Variants in LUZP2 observed in about 807,000 individuals in gnomAD.
LUZP2 encodes leucine zipper protein 2.
LUZP2 carries 52 observed loss-of-function variants against 51.6 expected under a neutral mutation model. The ratio of observed to expected loss-of-function variants is 1.01; its 90% CI spans 0.81 to 1.27. The LOEUF (loss-of-function observed/expected upper bound fraction) is 1.27, where lower values mean the gene tolerates loss of function less well. Among genes scored for constraint, LUZP2 ranks in the 50% most tolerant of loss-of-function variants. The pLI is 0.00. For synonymous variants in LUZP2, 154 were observed against 137.3 expected, an observed-to-expected ratio of 1.12 and a Z score of -0.85; for missense variants, 436 against 395.4, an observed-to-expected ratio of 1.10 and a Z score of -0.87.
chr11:24,776,577 A>T (rs556295772), intron 5 of LUZP2, among the ~76,000 whole-genome samples: 2 of 152,238 alleles, frequency 1.3e-5, no homozygotes, highest in East Asian at 3.9e-4. Context: ...CAAATCATAG[A>T]ATGCAGTAAT....
intron 1 of LUZP2, among the ~76,000 whole-genome samples, chr11:24,599,108 C>G (rs1051416327): frequency 6.6e-6 from 1 of 152,082 alleles, no homozygotes; most frequent in Admixed American, 6.5e-5. Flanking sequence ...AATGCTGAAC[C>G]TCCCTTGGAG....
intron 5 of LUZP2, among the ~76,000 whole-genome samples, chr11:24,817,165 A>T (rs1333118171): frequency 6.6e-6 from 1 of 152,024 alleles, no homozygotes; most frequent in African/African-American, 2.4e-5. Flanking sequence ...TGGAAATAAT[A>T]ATATATCAAT....
At chr11:25,051,479 CTT>C (rs1858512474) in intron 10 of LUZP2, among the ~76,000 whole-genome samples, 1 of 152,080 alleles carries the variant, frequency 6.6e-6, no homozygotes, top group South Asian at 2.1e-4. Context: ...GTCAAAAAGA[CTT>C]TGGGCAGGAA....
intron 7 of LUZP2, among the ~76,000 whole-genome samples, chr11:24,957,488 T>G (rs1300493372): frequency 1.3e-5 from 2 of 152,090 alleles, no homozygotes; most frequent in African/African-American, 4.8e-5. Flanking sequence ...TTGTACCCTT[T>G]GACTTCATCT....
At chr11:24,514,686 T>C (rs535816220) in intron 1 of LUZP2, among the ~76,000 whole-genome samples, 16 of 152,338 alleles carry the variant, frequency 1.1e-4, no homozygotes, top group African/African-American at 3.8e-4. Context: ...TCTTTTGATA[T>C]TCCCAAGTGT....
At chr11:24,516,458 T>G (rs1037904480) in intron 1 of LUZP2, among the ~76,000 whole-genome samples, 28 of 152,324 alleles carry the variant, frequency 1.8e-4, no homozygotes, top group Non-Finnish European at 3.8e-4. Context: ...AAAGTTGTGC[T>G]TACATAGGAA....
intron 5 of LUZP2, among the ~76,000 whole-genome samples, chr11:24,807,920 A>G (rs539235768): frequency 2.6e-5 from 4 of 152,156 alleles, no homozygotes; most frequent in Non-Finnish European, 5.9e-5. Context: ...TGATAGAACT[A>G]AGATCAGAAG....
intron 10 of LUZP2, among the ~76,000 whole-genome samples, chr11:25,074,633 A>G (rs1859247433): frequency 6.6e-6 from 1 of 152,192 alleles, no homozygotes; most frequent in South Asian, 2.1e-4. Flanking sequence ...TTTAGGTCAA[A>G]GATATTCAAG....
At chr11:24,849,336 T>C (rs1272268831) in intron 5 of LUZP2, among the ~76,000 whole-genome samples, 1 of 152,132 alleles carries the variant, frequency 6.6e-6, no homozygotes, top group African/African-American at 2.4e-5. Flanking sequence ...TGTGTCCACG[T>C]ATCCTCATTG....
At chr11:24,855,742 C>A in intron 5 of LUZP2, among the ~76,000 whole-genome samples, 1 of 152,096 alleles carries the variant, frequency 6.6e-6, no homozygotes. Context: ...GTAATTAAAA[C>A]AGCATGGTAC....
intron 5 of LUZP2, among the ~76,000 whole-genome samples, chr11:24,857,100 G>A (rs1392308245): frequency 1.3e-5 from 2 of 151,734 alleles, no homozygotes; most frequent in African/African-American, 2.4e-5. Flanking sequence ...TAATTAAAAG[G>A]ACCATCCATT....
chr11:24,821,454 T>C (rs1050624635), intron 5 of LUZP2, among the ~76,000 whole-genome samples: 1 of 152,256 alleles, frequency 6.6e-6, no homozygotes. Context: ...TATATATCTA[T>C]TAACTATTTT....
At chr11:24,658,071 C>T (rs1165363840) in intron 1 of LUZP2, among the ~76,000 whole-genome samples, 1 of 152,168 alleles carries the variant, frequency 6.6e-6, no homozygotes, top group Non-Finnish European at 1.5e-5. Context: ...TTGGAAATAA[C>T]TACTGTAAAG....
intron 1 of LUZP2, among the ~76,000 whole-genome samples, chr11:24,541,389 T>G (rs752718776): frequency 6.6e-6 from 1 of 152,118 alleles, no homozygotes; most frequent in Middle Eastern, 3.4e-3. Context: ...TTAAACATAA[T>G]TTGGCACTGT....
chr11:25,058,529 A>T (rs1332355599), intron 10 of LUZP2, among the ~76,000 whole-genome samples: 2 of 152,192 alleles, frequency 1.3e-5, no homozygotes, highest in Admixed American at 1.3e-4. Flanking sequence ...CTGGGTTTCC[A>T]TTGTCCTTGC....
At chr11:25,027,897 T>C (rs2133985162) in intron 9 of LUZP2, among the ~76,000 whole-genome samples, 2 of 151,896 alleles carry the variant, frequency 1.3e-5, no homozygotes, top group South Asian at 2.1e-4. Context: ...TGTTTAGATT[T>C]AGATACCATC....
At position 24,917,749 on chromosome 11, in the gene LUZP2, A is replaced by T. The variant is rs559689499; in HGVS notation, c.522+3211A>T. 2.2e-4 allele frequency among the ~76,000 whole-genome samples: 33 copies of T among 152,236 alleles called. 1 individual carries two copies. The South Asian group carries it at 6.6e-3, about 31-fold the overall frequency. Reference sequence around the variant, plus strand: ...TTTGGTTACTGTAGCCTTGTAGTATAACTTTAAGTCAGGTAGCATGATGTC... The same window carrying T: ...TTTGGTTACTGTAGCCTTGTAGTATTACTTTAAGTCAGGTAGCATGATGTC... On this transcript the variant is annotated intron_variant, in intron 7 of 11. Coordinates refer to ENST00000336930, the MANE Select transcript of LUZP2 (RefSeq NM_001009909.4).
At chr11:24,910,759 T>C (rs1000180997) in intron 6 of LUZP2, among the ~76,000 whole-genome samples, 4 of 142,868 alleles carry the variant, frequency 2.8e-5, no homozygotes, top group Admixed American at 2.7e-4. Flanking sequence ...GAAATGTGGG[T>C]TTGGAGTTCT....
intron 1 of LUZP2, among the ~76,000 whole-genome samples, chr11:24,532,896 A>G (rs11027982): frequency 6.6e-6 from 1 of 151,290 alleles, no homozygotes; most frequent in South Asian, 2.1e-4. Flanking sequence ...AAATAACATC[A>G]GACAAATTTT....
Sources: gnomAD v4.1 joint callset for allele counts (sites outside exome capture counted in the v4.1 genomes callset) on GRCh38, gnomAD v4.1.1 for gene constraint, MANE v1.5 for transcripts, NCBI Gene and HGNC (gene_info 2026-07-23, HGNC 2026-07-21) for gene names.